UNC93A: variants seen among roughly 807,000 people sequenced by gnomAD.
The protein encoded by UNC93A is unc-93 homolog A.
A neutral mutation model predicts 47.5 loss-of-function variants in UNC93A; 43 were observed. That is an observed-to-expected ratio of 0.91 (90% CI 0.71 to 1.17). The LOEUF (loss-of-function observed/expected upper bound fraction) is 1.17. Among genes scored for constraint, UNC93A ranks in the 50% most tolerant of loss-of-function variants. The pLI is 0.00. For missense variants in UNC93A, 605 were observed against 577.6 expected (o/e 1.05, Z -0.49); for synonymous variants, 280 against 258.0 (o/e 1.09, Z -0.82).
At chr6:167,309,915 G>A (rs1778511092) in intron 7 of UNC93A, among the ~76,000 whole-genome samples, 1 of 152,176 alleles carries the variant, frequency 6.6e-6, no homozygotes, top group East Asian at 1.9e-4. Context: ...GGCTTGTTGG[G>A]ATCAAGGCCT....
chr6:167,278,191 C>G (rs1191789362), intron 1 of UNC93A, among the ~76,000 whole-genome samples: 1 of 152,192 alleles, frequency 6.6e-6, no homozygotes, highest in African/African-American at 2.4e-5. Context: ...GAACCTCAGT[C>G]ACTTGTTTTC....
chr6:167,296,253 C>T lies in UNC93A; in HGVS notation c.491C>T (p.Pro164Leu), dbSNP rs775145181. Residue 164 changes from proline (P) to leucine (L), a missense_variant, in exon 3 of 8, where the codon CCC becomes CTC. Physicochemically the swap from Pro to Leu is moderately conservative, Grantham distance 98 (BLOSUM62 -3). Coordinates refer to ENST00000230256, the MANE Select transcript of UNC93A (RefSeq NM_018974.4). ...LISSLVFGQT[P>L]SQETLPEEQL... The stretch of plus-strand genomic sequence containing the variant: ...TCATCGCTGGTATTTGGCCAGACTC[C>T]CAGCCAAGGTAAAAGGAAAAGGGGC... The T allele has an allele frequency of 3.7e-6, 6 of 1,614,174 alleles. 1 individual carries two copies. The South Asian group carries it at 6.6e-5, about 18-fold the overall frequency.
intron 1 of UNC93A, among the ~76,000 whole-genome samples, chr6:167,279,075 A>G (rs1302857706): frequency 6.6e-6 from 1 of 152,266 alleles, no homozygotes; most frequent in Admixed American, 6.5e-5. Context: ...GAAGTTAAAA[A>G]TAGTCCTTTT....
chr6:167,273,512 A>G (rs1254483956), intron 1 of UNC93A, among the ~76,000 whole-genome samples: 1 of 152,150 alleles, frequency 6.6e-6, no homozygotes, highest in Non-Finnish European at 1.5e-5. Flanking sequence ...TCCTGACTTG[A>G]CATTTTAAAA....
intron 1 of UNC93A, among the ~76,000 whole-genome samples, chr6:167,282,169 G>A (rs965611534): frequency 6.6e-6 from 1 of 152,198 alleles, no homozygotes; most frequent in Admixed American, 6.5e-5. Flanking sequence ...ACAGGGTGAT[G>A]TAGAGCTGGG....
rs376261745 is a variant in UNC93A, at chr6:167,281,977, T to G, written c.-51-9462T>G. On this transcript the variant is annotated intron_variant, in intron 1 of 3. Transcript: ENST00000503433. ...GACCTCTACTTATTTCCTGGGAAAGTAGACTGAGACTTTATGGTCTTTCCT... is the reference window on the plus strand; with the variant it reads ...GACCTCTACTTATTTCCTGGGAAAGGAGACTGAGACTTTATGGTCTTTCCT... 1.2e-4 allele frequency among the ~76,000 whole-genome samples: 19 copies of G among 152,348 alleles called. No individual in the cohort carries two copies. The East Asian group carries it at 3.7e-3, about 29-fold the overall frequency.
chr6:167,295,339 C>G (rs961243996), intron 2 of UNC93A, among the ~76,000 whole-genome samples: 2 of 152,222 alleles, frequency 1.3e-5, no homozygotes. Flanking sequence ...CGCTGAGGCC[C>G]GAGCCGGTCA....
chr6:167,294,819 G>A, intron 2 of UNC93A, 121 bp downstream of exon 2: 3 of 1,146,268 alleles, frequency 2.6e-6, no homozygotes, highest in Non-Finnish European at 3.7e-6. Context: ...TTTAAAATGA[G>A]CTCTCCTGCC....
At chr6:167,308,628 T>C (rs1883178) in intron 7 of UNC93A, among the ~76,000 whole-genome samples, 99,923 of 150,406 alleles carry the variant, frequency 0.66, 34,279 homozygotes, top group African/African-American at 0.85. Context: ...CTGGGGCCCC[T>C]AAGAAGGCGG....
chr6:167,314,217 C>A (rs1436421729), intron 7 of UNC93A, among the ~76,000 whole-genome samples: 1 of 145,212 alleles, frequency 6.9e-6, no homozygotes. Flanking sequence ...CAAGACGGTT[C>A]TTTCCACACT....
intron 7 of UNC93A, among the ~76,000 whole-genome samples, chr6:167,309,278 G>A (rs1156767094): frequency 6.6e-6 from 1 of 152,234 alleles, no homozygotes; most frequent in Admixed American, 6.5e-5. Context: ...CGTTTTGGAG[G>A]AAGGTCACTA....
At chr6:167,282,812 C>T (rs1160540176) in intron 1 of UNC93A, among the ~76,000 whole-genome samples, 2 of 152,136 alleles carry the variant, frequency 1.3e-5, no homozygotes, top group Admixed American at 1.3e-4. Context: ...TCAGTCAATG[C>T]ATGTAATGTG....
upstream of UNC93A, among the ~76,000 whole-genome samples, chr6:167,287,117 G>C (rs984094667): frequency 1.3e-5 from 2 of 151,874 alleles, no homozygotes; most frequent in South Asian, 4.2e-4. Context: ...AATCACAGCC[G>C]TATTTGGCTC....
Position 167,307,801 on chromosome 6 carries a change from C to A in UNC93A, c.999C>A (p.Cys333Ter), listed in dbSNP as rs757541567. ...CAGGCGCGGTGACCCACGTGTCCTGCATGATTGCCCTACTGCTGTGGAGAC... is the reference window on the plus strand; with the variant it reads ...CAGGCGCGGTGACCCACGTGTCCTGAATGATTGCCCTACTGCTGTGGAGAC... ...YVLGAVTHVS[C>*]MIALLLWRPR... The change falls in exon 7 of 8, where the codon TGC (cysteine) becomes TGA (stop). Residue 333 changes from cysteine to a stop codon, truncating the protein, a stop_gained. Coordinates refer to ENST00000230256, the MANE Select transcript of UNC93A (RefSeq NM_018974.4). LOFTEE classifies it high-confidence loss of function. The A allele has an allele frequency of 6.2e-7, 1 of 1,613,910 alleles. No homozygotes were observed. The highest frequency in any genetic ancestry group is 8.5e-7 in the Non-Finnish European group (1 of 1,179,930).
chr6:167,274,559 C>G (rs1187822205), intron 1 of UNC93A, among the ~76,000 whole-genome samples: 2 of 152,092 alleles, frequency 1.3e-5, no homozygotes, highest in African/African-American at 4.8e-5. Context: ...AGGCCTGGAT[C>G]CAGAAGGCTG....
upstream of UNC93A, chr6:167,271,045 A>T (rs1177174156): frequency 5.3e-5 from 8 of 152,372 alleles, no homozygotes; most frequent in Admixed American, 4.6e-4. Context: ...GGGTTCCCGC[A>T]GTGTGTTCCC....
At chr6:167,307,440 AGACAGTTCCAGAG>A (rs1778429710) in intron 6 of UNC93A, among the ~76,000 whole-genome samples, 1 of 65,660 alleles carries the variant, frequency 1.5e-5, no homozygotes, top group Non-Finnish European at 2.7e-5. Flanking sequence ...GAGATGGTTG[AGACAGTTCCAGAG>A]GACGGTTCCA....
upstream of UNC93A, among the ~76,000 whole-genome samples, chr6:167,289,042 G>A (rs796081067): frequency 7.9e-5 from 12 of 152,404 alleles, no homozygotes; most frequent in African/African-American, 2.6e-4. Context: ...TCCTTTACAC[G>A]TACCCGTCTT....
At chr6:167,309,267 G>A (rs1333592918) in intron 7 of UNC93A, among the ~76,000 whole-genome samples, 1 of 152,238 alleles carries the variant, frequency 6.6e-6, no homozygotes, top group Non-Finnish European at 1.5e-5. Context: ...ATGCGTGAGA[G>A]CGTTTTGGAG....
Sources: allele counts gnomAD v4.1 joint callset (sites outside exome capture counted in the v4.1 genomes callset), GRCh38; gene constraint gnomAD v4.1.1; transcripts MANE v1.5; gene names NCBI Gene and HGNC (gene_info 2026-07-23, HGNC 2026-07-21).